Variants in KDM6A observed in about 807,000 individuals in gnomAD.
KDM6A encodes the protein lysine-specific demethylase 6A.
Under a neutral mutation model 117.6 loss-of-function variants are expected in KDM6A, and 11 were observed. The ratio of observed to expected loss-of-function variants is 0.09; its 90% CI spans 0.06 to 0.15. The LOEUF is 0.15. Ranked by LOEUF, KDM6A falls within the 10% of genes least tolerant of loss-of-function variation. KDM6A has a pLI of 1.00. For synonymous variants in KDM6A, 384 were observed against 396.1 expected (o/e 0.97, Z 0.36); for missense variants, 799 against 1,077.3 (o/e 0.74, Z 3.62).
intron 8 of KDM6A, among the ~76,000 whole-genome samples, chrX:45,040,941 C>T (rs2043131108): frequency 1.5e-5 from 1 of 66,698 alleles, no homozygotes; most frequent in African/African-American, 6.1e-5. Context: ...CCAGTAGGGG[C>T]GGCCGGGCAG....
chrX:44,966,289 G>A (rs1017926425), intron 3 of KDM6A, among the ~76,000 whole-genome samples: 3 of 109,714 alleles, frequency 2.7e-5, no homozygotes, highest in East Asian at 5.7e-4. Flanking sequence ...CTAGAGGTGC[G>A]CGCCACCACG....
chrX:44,983,241 C>T (rs897055335), intron 4 of KDM6A, among the ~76,000 whole-genome samples: 7 of 111,308 alleles, frequency 6.3e-5, no homozygotes, highest in Admixed American at 1.9e-4. Flanking sequence ...AGGAAGCCCC[C>T]CAAGTCAGCA....
intron 4 of KDM6A, among the ~76,000 whole-genome samples, chrX:44,998,852 C>A (rs1041729343): frequency 2.7e-5 from 3 of 111,821 alleles, no homozygotes; most frequent in African/African-American, 9.8e-5. Context: ...CTTATTCCAA[C>A]CCCAAATTGG....
chrX:45,001,798 G>T (rs992238317), intron 4 of KDM6A, among the ~76,000 whole-genome samples: 2 of 110,924 alleles, frequency 1.8e-5, no homozygotes, highest in Non-Finnish European at 3.8e-5. Flanking sequence ...TTCTTGCCTC[G>T]GGTGTGATGA....
At chrX:45,106,663 G>A (rs1798409230) in intron 27 of KDM6A, 2 of 338,393 alleles carry the variant, frequency 5.9e-6, no homozygotes, top group Non-Finnish European at 1.2e-5. Flanking sequence ...AGATAATTGA[G>A]CAAACAACTC....
intron 2 of KDM6A, among the ~76,000 whole-genome samples, chrX:44,906,758 A>C (rs2034698705): frequency 9.0e-6 from 1 of 111,398 alleles, no homozygotes; most frequent in African/African-American, 3.3e-5. Flanking sequence ...TCCTGTCCTC[A>C]AGTGAGCCCA....
chrX:45,080,592 G>A (rs1391672481), intron 21 of KDM6A, among the ~76,000 whole-genome samples: 1 of 111,685 alleles, frequency 9.0e-6, no homozygotes, highest in Non-Finnish European at 1.9e-5. Flanking sequence ...TTAAAATTCT[G>A]CCAACTCATA....
intron 18 of KDM6A, 65 bp from the exon 19 acceptor site, chrX:45,076,631 TC>T (rs1465799639): frequency 3.6e-6 from 3 of 829,745 alleles, no homozygotes; most frequent in Non-Finnish European, 3.5e-6. Context: ...AATTCAGGAT[TC>T]TTTTTTTTTT....
chrX:44,909,546 TTC>T (rs1487528004), intron 2 of KDM6A, among the ~76,000 whole-genome samples: 1 of 111,290 alleles, frequency 9.0e-6, no homozygotes, highest in African/African-American at 3.3e-5. Flanking sequence ...TTATTTACCA[TTC>T]TCTGTTTTGA....
At chrX:44,905,303 A>AT (rs2034585959) in intron 2 of KDM6A, among the ~76,000 whole-genome samples, 1 of 111,900 alleles carries the variant, frequency 8.9e-6, no homozygotes. Flanking sequence ...ATAATACCAT[A>AT]TTTTTACTGT....
At chrX:44,881,382 G>A (rs952792651) in intron 2 of KDM6A, among the ~76,000 whole-genome samples, 1 of 111,707 alleles carries the variant, frequency 9.0e-6, no homozygotes, top group East Asian at 2.8e-4. Context: ...GCAGTGAGCC[G>A]AGATCGTGCC....
chrX:44,953,800 A>G (rs191507369), intron 2 of KDM6A, among the ~76,000 whole-genome samples: 12 of 111,714 alleles, frequency 1.1e-4, no homozygotes, highest in Admixed American at 9.5e-5. Context: ...AGAATCAGCA[A>G]TACTTTATGC....
intron 2 of KDM6A, among the ~76,000 whole-genome samples, chrX:44,875,578 T>C (rs761778964): frequency 1.2e-4 from 13 of 110,589 alleles, no homozygotes; most frequent in African/African-American, 3.9e-4. Flanking sequence ...TTTTTTTTTT[T>C]CCAATTTGAG....
rs2046786132 is a variant in KDM6A at position 45,112,170 on chromosome X, ACTC to A, written c.*762_*764del. The A allele has an allele frequency of 6.2e-6, 1 of 160,680 alleles. No homozygotes were observed. Among genetic ancestry groups the A allele is most frequent in the Non-Finnish European group, 1.2e-5 (1 of 83,523 alleles). 13.2% of individuals were successfully genotyped at this position (160,680 alleles called of 1,213,427 possible). A position where few individuals can be genotyped will look rare whatever the true frequency, so the allele number is the denominator to read the frequency against. ...AAGGAGTTCTGTAATTTCAAACACT[ACTC>A]CTATTACATTTTCTATGTGTAAATA... is the stretch of plus-strand genomic sequence containing the variant. On this transcript the variant is annotated 3_prime_UTR_variant, in exon 30 of 30. Coordinates refer to ENST00000611820, the MANE Select transcript of KDM6A (RefSeq NM_001291415.2).
At chrX:44,938,738 C>T (rs1030913493) in intron 2 of KDM6A, among the ~76,000 whole-genome samples, 4 of 112,371 alleles carry the variant, frequency 3.6e-5, no homozygotes, top group African/African-American at 1.3e-4. Context: ...AGCTTCAAAA[C>T]TTCAAGGGAC....
At chrX:44,893,905 T>C (rs1397728987) in intron 2 of KDM6A, among the ~76,000 whole-genome samples, 1 of 111,746 alleles carries the variant, frequency 8.9e-6, no homozygotes, top group East Asian at 2.8e-4. Context: ...GATGTGATTA[T>C]ATGATTTTTT....
intron 2 of KDM6A, among the ~76,000 whole-genome samples, chrX:44,924,214 C>T (rs1032729909): frequency 1.8e-5 from 2 of 111,786 alleles, no homozygotes; most frequent in African/African-American, 6.5e-5. Context: ...TGATTTTTCT[C>T]ATTGTGGGTT....
intron 2 of KDM6A, among the ~76,000 whole-genome samples, chrX:44,894,084 G>A (rs992440167): frequency 6.3e-5 from 7 of 111,713 alleles, no homozygotes; most frequent in Non-Finnish European, 1.1e-4. Context: ...CAAGAATATG[G>A]ATGAGTGTAT....
intron 4 of KDM6A, among the ~76,000 whole-genome samples, chrX:44,999,255 A>G (rs1288743499): frequency 8.9e-6 from 1 of 112,395 alleles, no homozygotes; most frequent in East Asian, 2.8e-4. Flanking sequence ...AAGTACTTCT[A>G]TAGAAGGGTG....
Sources: gnomAD v4.1 joint callset for allele counts (sites outside exome capture counted in the v4.1 genomes callset) on GRCh38, gnomAD v4.1.1 for gene constraint, MANE v1.5 for transcripts, NCBI Gene and HGNC (gene_info 2026-07-23, HGNC 2026-07-21) for gene names.